CA10: variants seen among roughly 807,000 people sequenced by gnomAD.
CA10 encodes the protein carbonic anhydrase 10 (inactive).
In CA10, 14 loss-of-function variants were observed where a neutral mutation model predicts 44.2. The ratio of observed to expected loss-of-function variants is 0.32; its 90% CI spans 0.21 to 0.50. CA10 has a LOEUF of 0.50. Among genes scored for constraint, CA10 ranks in the 20% least tolerant of loss-of-function variants. CA10 has a pLI of 0.99. For synonymous variants in CA10, 159 were observed against 141.6 expected (o/e 1.12, Z -0.87); for missense variants, 350 against 409.7 (o/e 0.85, Z 1.26).
intron 3 of CA10, among the ~76,000 whole-genome samples, chr17:51,871,050 CTT>C (rs56319440): frequency 1.1e-3 from 108 of 94,812 alleles, no homozygotes; most frequent in Middle Eastern, 5.7e-3. Context: ...TCCCACTTTA[CTT>C]TTTTTTTTTT....
At chr17:51,915,740 C>T (rs1981968237) in intron 3 of CA10, among the ~76,000 whole-genome samples, 1 of 152,096 alleles carries the variant, frequency 6.6e-6, no homozygotes, top group Admixed American at 6.6e-5. Context: ...TATTGCTATT[C>T]ATTCCTCCCG....
chr17:51,889,897 T>C (rs1980780742), intron 3 of CA10, among the ~76,000 whole-genome samples: 1 of 152,238 alleles, frequency 6.6e-6, no homozygotes, highest in Non-Finnish European at 1.5e-5. Context: ...GGAGACATCA[T>C]GCTTTGAGAC....
intron 3 of CA10, among the ~76,000 whole-genome samples, chr17:51,922,114 T>G (rs1567886275): frequency 6.6e-6 from 1 of 152,328 alleles, no homozygotes; most frequent in Admixed American, 6.5e-5. Flanking sequence ...ACTTGCATTA[T>G]TACCTGCCTA....
intron 2 of CA10, among the ~76,000 whole-genome samples, chr17:51,941,965 A>G (rs1415092659): frequency 6.6e-6 from 1 of 152,092 alleles, no homozygotes; most frequent in Non-Finnish European, 1.5e-5. Flanking sequence ...TACATGCAAA[A>G]TTATACCCTT....
At chr17:52,051,332 C>T (rs1987064991) in intron 2 of CA10, among the ~76,000 whole-genome samples, 1 of 151,208 alleles carries the variant, frequency 6.6e-6, no homozygotes, top group Non-Finnish European at 1.5e-5. Context: ...TTCTGCACAG[C>T]AAAAGAAACT....
At chr17:51,702,303 C>T (rs74717014) in intron 4 of CA10, among the ~76,000 whole-genome samples, 2 of 152,028 alleles carry the variant, frequency 1.3e-5, no homozygotes, top group Admixed American at 6.5e-5. Flanking sequence ...AGCTAGCTGG[C>T]GGTAGACCCA....
chr17:51,878,143 CAAAAAAAAAAAAAA>C (rs558014863), intron 3 of CA10, among the ~76,000 whole-genome samples: 1 of 63,686 alleles, frequency 1.6e-5, no homozygotes, highest in Non-Finnish European at 2.7e-5. Flanking sequence ...GACTCCGTCT[CAAAAAAAAAAAAAA>C]AAAAAAAAAA....
chr17:51,816,042 T>A (rs966741373), intron 3 of CA10, among the ~76,000 whole-genome samples: 1 of 152,132 alleles, frequency 6.6e-6, no homozygotes. Context: ...AATTTTTTTG[T>A]ACCCATTAAC....
chr17:52,159,882 C>T (rs1989904978), upstream of CA10: 1 of 152,238 alleles, frequency 6.6e-6, no homozygotes, highest in South Asian at 2.1e-4. Flanking sequence ...GATTTGTCTG[C>T]TTCCATCGCT....
chr17:52,096,829 T>C (rs543552051), intron 1 of CA10, among the ~76,000 whole-genome samples: 4 of 152,372 alleles, frequency 2.6e-5, no homozygotes, highest in African/African-American at 9.6e-5. Flanking sequence ...CATAATATGC[T>C]ATGAGGTATC....
chr17:51,712,377 A>G (rs1041242852), intron 4 of CA10, among the ~76,000 whole-genome samples: 3 of 152,222 alleles, frequency 2.0e-5, no homozygotes, highest in Non-Finnish European at 2.9e-5. Context: ...AAATCACAAC[A>G]TGACAGGGCT....
intron 4 of CA10, among the ~76,000 whole-genome samples, chr17:51,693,819 T>G (rs1163295693): frequency 1.3e-5 from 2 of 152,202 alleles, no homozygotes; most frequent in Non-Finnish European, 2.9e-5. Context: ...AGTGCATGTG[T>G]CTTTTTGGTA....
intron 4 of CA10, among the ~76,000 whole-genome samples, chr17:51,718,585 A>AC (rs1463246586): frequency 6.6e-6 from 1 of 152,176 alleles, no homozygotes; most frequent in Non-Finnish European, 1.5e-5. Context: ...AAACTGGTAA[A>AC]TGTTTCTCTG....
chr17:51,821,116 TCCTCCCTTCCCTCCCTC>T (rs1239578916), intron 3 of CA10, among the ~76,000 whole-genome samples: 1 of 126,234 alleles, frequency 7.9e-6, no homozygotes, highest in Non-Finnish European at 1.7e-5. Context: ...TTCCTTTCCT[TCCTCCCTTCCCTCCCTC>T]CCTCCCTCCC....
At chr17:52,064,754 A>T (rs1476687663) in intron 2 of CA10, among the ~76,000 whole-genome samples, 2 of 152,206 alleles carry the variant, frequency 1.3e-5, no homozygotes, top group African/African-American at 4.8e-5. Context: ...ACCCAATTTT[A>T]AAGAATGCAA....
At chr17:52,127,871 C>G (rs1478422895) in intron 1 of CA10, among the ~76,000 whole-genome samples, 1 of 152,212 alleles carries the variant, frequency 6.6e-6, no homozygotes, top group Non-Finnish European at 1.5e-5. Flanking sequence ...TGTGTTTCAC[C>G]TGACCATTAA....
At chr17:51,891,369 CCACTCAGGCAA>C (rs1190157690) in intron 3 of CA10, among the ~76,000 whole-genome samples, 2 of 152,154 alleles carry the variant, frequency 1.3e-5, no homozygotes, top group Non-Finnish European at 2.9e-5. Context: ...AGAAATAGCA[CCACTCAGGCAA>C]CATGAGGAAA....
intron 5 of CA10, among the ~76,000 whole-genome samples, chr17:51,652,428 G>C (rs1227663263): frequency 6.6e-6 from 1 of 152,204 alleles, no homozygotes; most frequent in Non-Finnish European, 1.5e-5. Context: ...GTATCACAAA[G>C]GCATGAAAGC....
intron 4 of CA10, among the ~76,000 whole-genome samples, chr17:51,708,301 C>A (rs187604896): frequency 4.6e-5 from 7 of 152,318 alleles, no homozygotes; most frequent in Non-Finnish European, 1.0e-4. Flanking sequence ...GATGGCCATG[C>A]TGATGGGACA....
Sources: gnomAD v4.1 joint callset for allele counts (sites outside exome capture counted in the v4.1 genomes callset) on GRCh38, gnomAD v4.1.1 for gene constraint, MANE v1.5 for transcripts, NCBI Gene and HGNC (gene_info 2026-07-23, HGNC 2026-07-21) for gene names.